RGS6: variants seen among roughly 807,000 people sequenced by gnomAD.
RGS6 encodes regulator of G protein signaling 6, also known as regulator of G-protein signaling 6.
In RGS6, 30 loss-of-function variants were observed where a neutral mutation model predicts 78.5. That is an observed-to-expected ratio of 0.38 (90% CI 0.29 to 0.52). The LOEUF (loss-of-function observed/expected upper bound fraction) is 0.52, where lower values mean the gene tolerates loss of function less well. RGS6 is among the 20% of genes least tolerant of loss of function. RGS6 has a pLI of 0.85. For synonymous variants in RGS6, 206 were observed against 206.0 expected, an observed-to-expected ratio of 1.00 and a Z score of 0.00; for missense variants, 495 against 609.7, an observed-to-expected ratio of 0.81 and a Z score of 1.98.
At chr14:72,219,083 G>T (rs188479531) in intron 2 of RGS6, among the ~76,000 whole-genome samples, 139 of 151,980 alleles carry the variant, frequency 9.1e-4, no homozygotes, top group African/African-American at 3.3e-3. Context: ...CCATGTGTTA[G>T]ATAAGGATTC....
At chr14:72,545,552 C>A (rs2097383335) in intron 17 of RGS6, among the ~76,000 whole-genome samples, 1 of 152,184 alleles carries the variant, frequency 6.6e-6, no homozygotes, top group Non-Finnish European at 1.5e-5. Flanking sequence ...CTGTGCTTCC[C>A]TCTGTCCTGA....
the RGS6 span, among the ~76,000 whole-genome samples, chr14:72,586,945 G>A: frequency 6.6e-6 from 1 of 151,982 alleles, no homozygotes; most frequent in Non-Finnish European, 1.5e-5. Context: ...ACTAAAACAA[G>A]ATACTCTCAT....
At chr14:71,881,981 ATTTAAG>A in the RGS6 span, among the ~76,000 whole-genome samples, 4 of 152,290 alleles carry the variant, frequency 2.6e-5, no homozygotes, top group African/African-American at 9.6e-5. Flanking sequence ...ATTTTAAACC[ATTTAAG>A]TGTGCAATTC....
At chr14:72,330,066 G>C (rs566313074) in intron 2 of RGS6, among the ~76,000 whole-genome samples, 3 of 152,240 alleles carry the variant, frequency 2.0e-5, no homozygotes, top group Admixed American at 6.5e-5. Flanking sequence ...CACAGTCAAC[G>C]TTAGTGAGGG....
intron 2 of RGS6, among the ~76,000 whole-genome samples, chr14:72,320,242 A>C (rs564021793): frequency 6.6e-5 from 10 of 152,348 alleles, no homozygotes; most frequent in African/African-American, 2.2e-4. Context: ...AACGTGTCCA[A>C]CATTTAAGAA....
intron 2 of RGS6, among the ~76,000 whole-genome samples, chr14:72,351,129 A>C (rs1008315167): frequency 6.6e-6 from 1 of 152,206 alleles, no homozygotes; most frequent in African/African-American, 2.4e-5. Flanking sequence ...GAACTCACTC[A>C]GAGACTCCAT....
At chr14:72,443,475 C>T (rs568362677) in intron 3 of RGS6, among the ~76,000 whole-genome samples, 1 of 152,338 alleles carries the variant, frequency 6.6e-6, no homozygotes, top group African/African-American at 2.4e-5. Context: ...TGTTGCTGTG[C>T]TAACCCTGTG....
At chr14:71,938,896 T>C (rs1214942513) in intron 1 of RGS6, among the ~76,000 whole-genome samples, 1 of 152,304 alleles carries the variant, frequency 6.6e-6, no homozygotes, top group East Asian at 1.9e-4. Flanking sequence ...AGGGCCTTGC[T>C]GCAAAGTCCT....
chr14:71,982,359 T>C (rs970880536), intron 2 of RGS6, among the ~76,000 whole-genome samples: 4 of 152,362 alleles, frequency 2.6e-5, no homozygotes, highest in African/African-American at 9.6e-5. Flanking sequence ...ACAAATAATA[T>C]AGAAGACATC....
chr14:72,173,714 C>G (rs142224462), intron 2 of RGS6, among the ~76,000 whole-genome samples: 2 of 152,190 alleles, frequency 1.3e-5, no homozygotes, highest in African/African-American at 2.4e-5. Flanking sequence ...CTCAAAGTCC[C>G]TGAGATCTTT....
intron 3 of RGS6, among the ~76,000 whole-genome samples, chr14:72,409,455 T>C (rs539524763): frequency 7.2e-5 from 11 of 152,334 alleles, no homozygotes; most frequent in Admixed American, 6.5e-4. Flanking sequence ...TTTGCTTACC[T>C]AGGAACTTAA....
At chr14:72,348,276 C>A (rs543060381) in intron 2 of RGS6, among the ~76,000 whole-genome samples, 36 of 152,342 alleles carry the variant, frequency 2.4e-4, no homozygotes, top group African/African-American at 8.7e-4. Flanking sequence ...GAGTAGGAAT[C>A]CTGGCCTTGC....
chr14:72,245,535 G>A (rs2054009844), intron 2 of RGS6, among the ~76,000 whole-genome samples: 1 of 152,230 alleles, frequency 6.6e-6, no homozygotes, highest in South Asian at 2.1e-4. Context: ...GCTTTTGTTT[G>A]TGGCTTGAGA....
At chr14:72,032,321 C>T (rs1729835197) in intron 2 of RGS6, among the ~76,000 whole-genome samples, 1 of 152,088 alleles carries the variant, frequency 6.6e-6, no homozygotes, top group African/African-American at 2.4e-5. Flanking sequence ...CAGTTTACCA[C>T]CCATTGCCAC....
intron 3 of RGS6, among the ~76,000 whole-genome samples, chr14:72,434,517 T>C (rs1566837647): frequency 2.6e-5 from 4 of 152,156 alleles, no homozygotes; most frequent in Admixed American, 2.6e-4. Flanking sequence ...AAGTTACTGA[T>C]CACAATTCCG....
At chr14:72,183,115 T>G (rs1375499859) in intron 2 of RGS6, among the ~76,000 whole-genome samples, 2 of 152,226 alleles carry the variant, frequency 1.3e-5, no homozygotes, top group Non-Finnish European at 2.9e-5. Context: ...TAATTGCAGG[T>G]TTAAAAGCCC....
chr14:72,052,943 T>TTC (rs1295334045), intron 2 of RGS6, among the ~76,000 whole-genome samples: 1 of 32,190 alleles, frequency 3.1e-5, no homozygotes, highest in Non-Finnish European at 5.0e-5. Context: ...CTTTCTTTCT[T>TTC]TCTTTCTTTC....
At chr14:72,125,716 A>G (rs1275582734) in intron 2 of RGS6, among the ~76,000 whole-genome samples, 3 of 152,178 alleles carry the variant, frequency 2.0e-5, no homozygotes, top group African/African-American at 7.2e-5. Flanking sequence ...CTGCACAGAC[A>G]TAGTCAAAAT....
At chr14:72,101,684 A>T (rs1388056571) in intron 2 of RGS6, among the ~76,000 whole-genome samples, 1 of 152,178 alleles carries the variant, frequency 6.6e-6, no homozygotes, top group African/African-American at 2.4e-5. Context: ...CGTGTTGTGC[A>T]TCTCTGTTCC....
Sources: gnomAD v4.1 joint callset for allele counts (sites outside exome capture counted in the v4.1 genomes callset) on GRCh38, gnomAD v4.1.1 for gene constraint, MANE v1.5 for transcripts, NCBI Gene and HGNC (gene_info 2026-07-23, HGNC 2026-07-21) for gene names.